Variants in RBFOX1 observed in about 807,000 individuals in gnomAD.
RBFOX1 encodes the protein RNA binding protein fox-1 homolog 1.
In RBFOX1, 8 loss-of-function variants were observed where a neutral mutation model predicts 57.7. The ratio of observed to expected loss-of-function variants is 0.14; its 90% CI spans 0.08 to 0.25. The LOEUF (loss-of-function observed/expected upper bound fraction) is 0.25. Ranked by LOEUF, RBFOX1 falls within the 10% of genes least tolerant of loss-of-function variation. RBFOX1 has a pLI of 1.00. For missense variants in RBFOX1, 611 were observed against 548.5 expected, an observed-to-expected ratio of 1.11 and a Z score of -1.14; for synonymous variants, 326 against 222.4, an observed-to-expected ratio of 1.47 and a Z score of -4.15.
At chr16:7,154,615 G>A (rs2076721006) in intron 4 of RBFOX1, among the ~76,000 whole-genome samples, 1 of 151,942 alleles carries the variant, frequency 6.6e-6, no homozygotes, top group Non-Finnish European at 1.5e-5. Context: ...TGAAAATAGT[G>A]GGCAGTTGTA....
At chr16:6,774,261 A>G (rs932535790) in intron 3 of RBFOX1, among the ~76,000 whole-genome samples, 5 of 152,102 alleles carry the variant, frequency 3.3e-5, no homozygotes, top group African/African-American at 9.7e-5. Flanking sequence ...TGAGGAATTC[A>G]TGGAGCATGT....
intron 2 of RBFOX1, among the ~76,000 whole-genome samples, chr16:6,584,828 C>T (rs1409574894): frequency 6.6e-6 from 1 of 152,160 alleles, no homozygotes; most frequent in Non-Finnish European, 1.5e-5. Context: ...TTGCCAGCAG[C>T]CTCCAGCCGA....
At chr16:7,528,250 T>C (rs921272980) in intron 5 of RBFOX1, among the ~76,000 whole-genome samples, 5 of 152,226 alleles carry the variant, frequency 3.3e-5, no homozygotes, top group Non-Finnish European at 5.9e-5. Context: ...ATCGTGACTT[T>C]GTCCTCATTT....
At chr16:6,179,236 C>T (rs532699514) in intron 1 of RBFOX1, among the ~76,000 whole-genome samples, 5 of 152,176 alleles carry the variant, frequency 3.3e-5, no homozygotes, top group South Asian at 2.1e-4. Context: ...TATCCAACGC[C>T]GAGGGTCCCA....
At chr16:6,560,435 A>G (rs1026917307) in intron 2 of RBFOX1, among the ~76,000 whole-genome samples, 5 of 152,280 alleles carry the variant, frequency 3.3e-5, no homozygotes, top group African/African-American at 1.2e-4. Flanking sequence ...AGCCAGCTGC[A>G]TGGATTTGGA....
intron 4 of RBFOX1, among the ~76,000 whole-genome samples, chr16:5,935,119 G>C (rs1195304387): frequency 1.3e-5 from 2 of 152,126 alleles, no homozygotes; most frequent in East Asian, 3.8e-4. Flanking sequence ...CAAACCTCCT[G>C]GCCTTCCAAG....
intron 3 of RBFOX1, among the ~76,000 whole-genome samples, chr16:6,818,464 G>C (rs1184996670): frequency 2.6e-5 from 4 of 152,182 alleles, no homozygotes; most frequent in African/African-American, 4.8e-5. Context: ...ATGCCAGTGA[G>C]AGTTTTATGA....
At chr16:7,246,775 C>T (rs770025245) in intron 4 of RBFOX1, among the ~76,000 whole-genome samples, 1 of 151,802 alleles carries the variant, frequency 6.6e-6, no homozygotes, top group Admixed American at 6.6e-5. Flanking sequence ...GTAGCACATC[C>T]AGAGGCTTAT....
chr16:7,075,359 G>T (rs1161900750), intron 4 of RBFOX1, among the ~76,000 whole-genome samples: 1 of 152,192 alleles, frequency 6.6e-6, no homozygotes, highest in African/African-American at 2.4e-5. Flanking sequence ...GAAGAGTTGG[G>T]AAGTCAAAAA....
intron 2 of RBFOX1, among the ~76,000 whole-genome samples, chr16:6,554,969 C>T (rs748272478): frequency 1.3e-4 from 20 of 152,182 alleles, no homozygotes; most frequent in Non-Finnish European, 2.4e-4. Context: ...TGAGTACATC[C>T]AGGTTCTTTT....
chr16:6,331,313 G>A (rs990818325), intron 2 of RBFOX1, among the ~76,000 whole-genome samples: 1 of 152,086 alleles, frequency 6.6e-6, no homozygotes, highest in Non-Finnish European at 1.5e-5. Flanking sequence ...TAGGCATGCT[G>A]GTGCATGCCT....
intron 1 of RBFOX1, among the ~76,000 whole-genome samples, chr16:5,414,355 T>C (rs913619561): frequency 7.2e-5 from 11 of 152,294 alleles, no homozygotes; most frequent in African/African-American, 2.6e-4. Context: ...CCTCCGACAC[T>C]GTGGGTGGGT....
intron 1 of RBFOX1, among the ~76,000 whole-genome samples, chr16:6,290,753 T>C (rs1269123046): frequency 2.0e-5 from 3 of 152,200 alleles, no homozygotes; most frequent in African/African-American, 4.8e-5. Flanking sequence ...ATAAAGGATA[T>C]TGTTATTTCC....
At chr16:6,637,353 TATTA>T (rs2098450748) in intron 2 of RBFOX1, among the ~76,000 whole-genome samples, 1 of 84,890 alleles carries the variant, frequency 1.2e-5, no homozygotes, top group African/African-American at 6.1e-5. Flanking sequence ...ATATATTATA[TATTA>T]AATATATATA....
intron 2 of RBFOX1, among the ~76,000 whole-genome samples, chr16:6,560,810 G>C (rs2097170306): frequency 1.3e-5 from 2 of 152,176 alleles, no homozygotes; most frequent in Admixed American, 1.3e-4. Context: ...CTGGAGTACT[G>C]TCTGACTTGC....
At chr16:6,234,937 G>A (rs2097493963) in intron 1 of RBFOX1, among the ~76,000 whole-genome samples, 1 of 152,136 alleles carries the variant, frequency 6.6e-6, no homozygotes, top group African/African-American at 2.4e-5. Context: ...TTTCCATTGG[G>A]GGAAACTGGG....
intron 2 of RBFOX1, among the ~76,000 whole-genome samples, chr16:6,387,108 C>T (rs1596448118): frequency 2.0e-5 from 3 of 152,150 alleles, no homozygotes; most frequent in African/African-American, 7.2e-5. Context: ...CATTGGCAAC[C>T]ATTCAATGAA....
At chr16:5,719,954 C>T (rs1023514398) in intron 3 of RBFOX1, among the ~76,000 whole-genome samples, 7 of 152,078 alleles carry the variant, frequency 4.6e-5, no homozygotes, top group Non-Finnish European at 7.4e-5. Flanking sequence ...GGTGACTCTT[C>T]CCCGCCCCGC....
chr16:6,842,335 C>T (rs893002419), intron 3 of RBFOX1, among the ~76,000 whole-genome samples: 5 of 152,040 alleles, frequency 3.3e-5, no homozygotes, highest in African/African-American at 1.2e-4. Flanking sequence ...AACACATACA[C>T]ATCTTTGGAA....
Sources: allele counts gnomAD v4.1 joint callset (sites outside exome capture counted in the v4.1 genomes callset), GRCh38; gene constraint gnomAD v4.1.1; transcripts MANE v1.5; gene names NCBI Gene and HGNC (gene_info 2026-07-23, HGNC 2026-07-21).